EPB41L5: variants seen among roughly 807,000 people sequenced by gnomAD.
EPB41L5 encodes the protein band 4.1-like protein 5.
In EPB41L5, 55 loss-of-function variants were observed where a neutral mutation model predicts 106.6. The observed-to-expected ratio is 0.52, with a 90% CI of 0.42 to 0.65. EPB41L5 has a LOEUF of 0.65. EPB41L5 is among the 30% of genes least tolerant of loss of function. The pLI is 0.00. For missense variants in EPB41L5, 871 were observed against 882.1 expected (o/e 0.99, Z 0.16); for synonymous variants, 297 against 306.7 (o/e 0.97, Z 0.33).
At chr2:120,147,614 A>G in intron 20 of EPB41L5, among the ~76,000 whole-genome samples, 1 of 146,840 alleles carries the variant, frequency 6.8e-6, no homozygotes, top group Non-Finnish European at 1.5e-5. Flanking sequence ...AACAGAGCGA[A>G]ACTCTGTCTC....
intron 18 of EPB41L5, among the ~76,000 whole-genome samples, chr2:120,133,220 C>T (rs553885789): frequency 6.6e-6 from 1 of 152,122 alleles, no homozygotes; most frequent in Non-Finnish European, 1.5e-5. Context: ...ATATAACCCT[C>T]CAGTGATCAT....
At chr2:120,052,490 G>C (rs1680353896) in intron 3 of EPB41L5, among the ~76,000 whole-genome samples, 2 of 152,132 alleles carry the variant, frequency 1.3e-5, no homozygotes, top group South Asian at 4.1e-4. Context: ...TATTTTGTGG[G>C]CAGTTATGTT....
At chr2:120,088,098 A>C (rs1444445428) in intron 11 of EPB41L5, among the ~76,000 whole-genome samples, 2 of 152,232 alleles carry the variant, frequency 1.3e-5, no homozygotes, top group Non-Finnish European at 2.9e-5. Context: ...TTGAGTCTAG[A>C]CACTATGTAT....
At position 120,167,978 on chromosome 2, in the gene EPB41L5, A is replaced by C. The variant is rs1372804627; in HGVS notation, c.2106A>C (p.Pro702=). The change falls in exon 24 of 25, where the codon CCA becomes CCC. Residue 702 remains proline, a synonymous_variant. Transcript: ENST00000263713. ...NKDGISLISP[P]APFLVDAVTS... is the part of the protein sequence containing the mutation. ...ATGGAATCTCACTGATCTCTCCCCC[A>C]GCGCCATTCTTGGTAGATGCTGTGA... 2 of 1,614,176 alleles carry C rather than the reference A, an allele frequency of 1.2e-6. No homozygotes were observed. The highest frequency in any genetic ancestry group is 1.7e-6 in the Non-Finnish European group (2 of 1,180,004).
intron 20 of EPB41L5, among the ~76,000 whole-genome samples, chr2:120,150,410 C>G (rs2105511700): frequency 6.6e-6 from 1 of 152,260 alleles, no homozygotes; most frequent in East Asian, 1.9e-4. Context: ...TAACCTTGAA[C>G]TCCTGGGCTT....
intron 18 of EPB41L5, among the ~76,000 whole-genome samples, chr2:120,134,149 G>A (rs369704428): frequency 6.6e-6 from 1 of 151,888 alleles, no homozygotes; most frequent in African/African-American, 2.4e-5. Flanking sequence ...CTGGCTTCAG[G>A]TGTGACCCAG....
intron 18 of EPB41L5, among the ~76,000 whole-genome samples, chr2:120,138,248 G>A (rs140900734): frequency 6.6e-6 from 1 of 152,060 alleles, no homozygotes; most frequent in Non-Finnish European, 1.5e-5. Flanking sequence ...CAGACCCACA[G>A]CTAGTATCAT....
intron 10 of EPB41L5, among the ~76,000 whole-genome samples, chr2:120,084,457 G>C (rs1387849737): frequency 2.0e-5 from 3 of 152,112 alleles, no homozygotes; most frequent in Admixed American, 6.6e-5. Flanking sequence ...TTGGCCCCTA[G>C]TCTCTTCTGG....
intron 21 of EPB41L5, 125 bp from the exon 22 acceptor site, chr2:120,164,711 G>A (rs1242996850): frequency 1.9e-5 from 11 of 581,566 alleles, no homozygotes; most frequent in Non-Finnish European, 3.0e-5. Flanking sequence ...GAGTGTCCCT[G>A]TGTATTTAAA....
chr2:120,034,543 A>G (rs1189903877), intron 2 of EPB41L5, among the ~76,000 whole-genome samples: 1 of 152,142 alleles, frequency 6.6e-6, no homozygotes, highest in Non-Finnish European at 1.5e-5. Context: ...TAGTGTAGTG[A>G]TTGCCATTAG....
chr2:120,054,548 G>C (rs561743212), intron 3 of EPB41L5, among the ~76,000 whole-genome samples: 1 of 149,700 alleles, frequency 6.7e-6, no homozygotes, highest in Admixed American at 6.7e-5. Flanking sequence ...CCAGTCACCA[G>C]GCTGGAGTGC....
At chr2:120,109,758 T>G (rs1040744261) in intron 16 of EPB41L5, among the ~76,000 whole-genome samples, 1 of 152,204 alleles carries the variant, frequency 6.6e-6, no homozygotes, top group African/African-American at 2.4e-5. Context: ...ATTCCTCCAT[T>G]TTTTTGTTTC....
At chr2:120,078,084 C>G (rs1262077524) in intron 9 of EPB41L5, among the ~76,000 whole-genome samples, 1 of 152,152 alleles carries the variant, frequency 6.6e-6, no homozygotes, top group African/African-American at 2.4e-5. Flanking sequence ...TCACCTCCCA[C>G]CAGGCCCCTC....
chr2:120,119,892 TAATA>T (rs1685133261), intron 16 of EPB41L5, among the ~76,000 whole-genome samples: 1 of 152,158 alleles, frequency 6.6e-6, no homozygotes, highest in Non-Finnish European at 1.5e-5. Flanking sequence ...ATAATTTACA[TAATA>T]AATTATATTA....
At chr2:120,170,331 C>T (rs543598921) in intron 24 of EPB41L5, among the ~76,000 whole-genome samples, 6 of 152,358 alleles carry the variant, frequency 3.9e-5, no homozygotes, top group African/African-American at 1.4e-4. Flanking sequence ...CTGGATGTAG[C>T]TGAGCTGGGT....
intron 22 of EPB41L5, among the ~76,000 whole-genome samples, chr2:120,165,841 A>G (rs1288571144): frequency 6.6e-6 from 1 of 151,922 alleles, no homozygotes; most frequent in Non-Finnish European, 1.5e-5. Flanking sequence ...GGTGGTGCAC[A>G]CCTGTAGCGC....
intron 16 of EPB41L5, chr2:120,106,715 A>G (rs1684473374): frequency 1.0e-6 from 1 of 985,428 alleles, no homozygotes; most frequent in African/African-American, 1.7e-5. Flanking sequence ...GGAAACTTGT[A>G]GAAACACAGC....
Position 120,175,139 on chromosome 2 carries a change from T to TC in EPB41L5, c.*232_*233insC, listed in dbSNP as rs1687876920. On this transcript the variant is annotated 3_prime_UTR_variant, in exon 25 of 25. Coordinates refer to ENST00000263713, the MANE Select transcript of EPB41L5 (RefSeq NM_020909.4). ...GTTTGGTCTTGAACTTTCTATACTTTTATAAATGTTACAAATTCCCGAAAG... is the reference window on the plus strand; with the variant it reads ...GTTTGGTCTTGAACTTTCTATACTTTCTATAAATGTTACAAATTCCCGAAAG... The TC allele has an allele frequency of 2.0e-6, 1 of 488,164 alleles. No homozygotes were observed. The highest frequency in any genetic ancestry group is 1.9e-5 in the African/African-American group (1 of 52,446). The allele number at this position is 488,164 out of a possible 1,614,324, so 30.2% of individuals were successfully genotyped here. A position where few individuals can be genotyped will look rare whatever the true frequency, so the allele number is the denominator to read the frequency against.
chr2:120,063,425 T>C (rs1681214467), intron 3 of EPB41L5, among the ~76,000 whole-genome samples: 1 of 151,992 alleles, frequency 6.6e-6, no homozygotes, highest in Non-Finnish European at 1.5e-5. Context: ...GGCAGCATGC[T>C]GTCTCCCTTT....
Sources: gnomAD v4.1 joint callset for allele counts (sites outside exome capture counted in the v4.1 genomes callset) on GRCh38, gnomAD v4.1.1 for gene constraint, MANE v1.5 for transcripts, NCBI Gene and HGNC (gene_info 2026-07-23, HGNC 2026-07-21) for gene names.